SSH2: variants seen among roughly 807,000 people sequenced by gnomAD.
The protein encoded by SSH2 is protein phosphatase Slingshot homolog 2.
SSH2 carries 37 observed loss-of-function variants against 135.2 expected under a neutral mutation model. The ratio of observed to expected loss-of-function variants is 0.27; its 90% CI spans 0.21 to 0.36. The LOEUF is 0.36. Ranked by LOEUF, SSH2 falls within the 10% of genes least tolerant of loss-of-function variation. The pLI, the probability that SSH2 is intolerant of heterozygous loss-of-function variation, is 1.00. For synonymous variants in SSH2, 628 were observed against 646.2 expected (o/e 0.97, Z 0.43); for missense variants, 1,408 against 1,765.3 (o/e 0.80, Z 3.63).
intron 9 of SSH2, among the ~76,000 whole-genome samples, chr17:29,668,113 ACCT>A (rs1186001335): frequency 6.6e-6 from 1 of 152,116 alleles, no homozygotes; most frequent in East Asian, 1.9e-4. Context: ...CTGGCTCTGC[ACCT>A]CCTTATTTGG....
rs540909260 is a variant in SSH2, at chr17:29,632,164, G to C, written c.3030C>G (p.Val1010=). Reference sequence around the variant, plus strand: ...GAATCACAGTCCTCAGATCCTTCAGGACTCCTTCCTGCTGTGTTCCAGTAT... The same window carrying C: ...GAATCACAGTCCTCAGATCCTTCAGCACTCCTTCCTGCTGTGTTCCAGTAT... ...GSDTGTQQEG[V]LKDLRTVIPY... Residue 1010 remains valine (V), a synonymous_variant, in exon 16 of 16, where the codon GTC becomes GTG. Transcript: ENST00000540801. The C allele has an allele frequency of 6.2e-7, 1 of 1,613,890 alleles. No individual in the cohort carries two copies. The highest frequency in any genetic ancestry group is 1.1e-5 in the South Asian group (1 of 91,078).
chr17:29,630,980 T>G lies in SSH2; in HGVS notation c.4214A>C (p.Gln1405Pro). 6.2e-7 allele frequency: 1 copy of G among 1,613,814 alleles called. No homozygotes were observed. Among genetic ancestry groups the G allele is most frequent in the Non-Finnish European group, 8.5e-7 (1 of 1,179,708 alleles). The change falls in exon 16 of 16, where the codon CAG becomes CCG. Residue 1405 changes from glutamine (Q) to proline (P), a missense_variant. Gln to Pro is a moderately conservative substitution (Grantham distance 76). Coordinates refer to ENST00000540801, the MANE Select transcript of SSH2 (RefSeq NM_001282129.2). The part of the protein sequence containing the change: ...SEGGLPVLQT[Q>P]GLQCACPAPG... The stretch of plus-strand genomic sequence containing the variant: ...AGCTGGGCATGCACACTGCAGTCCC[T>G]GGGTCTGTAGCACGGGAAGGCCTCC...
chr17:29,845,720 C>T (rs1201908021), intron 2 of SSH2, among the ~76,000 whole-genome samples: 1 of 151,760 alleles, frequency 6.6e-6, no homozygotes, highest in Non-Finnish European at 1.5e-5. Flanking sequence ...CCACCATGCC[C>T]GGCTAATTGT....
chr17:29,781,756 G>GTAT (rs2041848039), intron 3 of SSH2, among the ~76,000 whole-genome samples: 1 of 151,642 alleles, frequency 6.6e-6, no homozygotes, highest in Admixed American at 6.6e-5. Flanking sequence ...GGGATTACAG[G>GTAT]TATAAGCCAC....
chr17:29,664,324 G>C lies in SSH2; in HGVS notation c.1032+2543C>G, dbSNP rs577271275. Among the ~76,000 whole-genome samples, 29 of 148,012 alleles carry C rather than the reference G, an allele frequency of 2.0e-4. 2 individuals carry two copies. The East Asian group carries it at 5.8e-3, about 29-fold the overall frequency. On this transcript the variant is annotated intron_variant, in intron 11 of 15. Transcript: ENST00000540801. ...GGAGGTGGAGGTTGCAGTGAGCTGA[G>C]ATCATGCCATTGCACTCCAGCCTGG...
chr17:29,823,904 C>A (rs1464219672), intron 2 of SSH2, among the ~76,000 whole-genome samples: 2 of 147,686 alleles, frequency 1.4e-5, no homozygotes, highest in Non-Finnish European at 3.0e-5. Flanking sequence ...AAAAAAATTC[C>A]ACACTGGGCC....
At chr17:29,747,480 AT>A (rs1316030155) in intron 3 of SSH2, among the ~76,000 whole-genome samples, 2 of 152,226 alleles carry the variant, frequency 1.3e-5, no homozygotes, top group Admixed American at 1.3e-4. Flanking sequence ...GTGAGCCCAG[AT>A]TTGCCCTTTG....
intron 14 of SSH2, among the ~76,000 whole-genome samples, chr17:29,638,420 A>C (rs953333354): frequency 1.3e-5 from 2 of 151,910 alleles, no homozygotes; most frequent in African/African-American, 4.8e-5. Context: ...TATAGGAAAA[A>C]ATCTGGAGGA....
chr17:29,735,912 C>T (rs1005979437), intron 3 of SSH2, among the ~76,000 whole-genome samples: 5 of 151,764 alleles, frequency 3.3e-5, no homozygotes, highest in East Asian at 1.9e-4. Flanking sequence ...GCTTGGACAA[C>T]GTGGAGAAAC....
intron 11 of SSH2, among the ~76,000 whole-genome samples, chr17:29,663,336 C>T (rs909621905): frequency 1.3e-5 from 2 of 152,222 alleles, no homozygotes; most frequent in African/African-American, 4.8e-5. Context: ...AAAATCAACA[C>T]CACCACTTGC....
intron 5 of SSH2, among the ~76,000 whole-genome samples, chr17:29,687,540 C>T (rs1025989726): frequency 6.6e-6 from 1 of 152,124 alleles, no homozygotes; most frequent in South Asian, 2.1e-4. Flanking sequence ...ATATTATACA[C>T]ACAGAAAAAT....
Position 29,712,531 on chromosome 17 carries a change from C to T in SSH2, c.189-9469G>A, listed in dbSNP as rs958944619. 2.6e-5 allele frequency among the ~76,000 whole-genome samples: 4 copies of T among 152,274 alleles called. No individual in the cohort carries two copies. The East Asian group carries it at 7.7e-4, about 29-fold the overall frequency. ...GTTAAAATTCATTTCTGGCTGAGCG[C>T]GGTGGCTCACGCCTGTAATCTCAGT... On this transcript the variant is annotated intron_variant, in intron 3 of 15. Transcript: ENST00000540801.
At chr17:29,732,550 G>A (rs1195626756) in intron 3 of SSH2, among the ~76,000 whole-genome samples, 1 of 152,116 alleles carries the variant, frequency 6.6e-6, no homozygotes. Flanking sequence ...CCTATAAGCA[G>A]AACAAAAAGT....
Position 29,635,988 on chromosome 17 carries a change from T to C in SSH2, c.2242A>G (p.Met748Val), listed in dbSNP as rs762593970. 1.9e-6 allele frequency: 3 copies of C among 1,612,682 alleles called. No individual in the cohort carries two copies. The highest frequency in any genetic ancestry group is 1.3e-5 in the African/African-American group (1 of 74,858). ...NTPHASEESSMDEEQSKAISE... is the reference protein window; with the variant it reads ...NTPHASEESSVDEEQSKAISE... ...TTTACCTTTGACTGTTCCTCATCCATTGAAGATTCTTCTGATGCATGGGGA... is the reference window on the plus strand; with the variant it reads ...TTTACCTTTGACTGTTCCTCATCCACTGAAGATTCTTCTGATGCATGGGGA... The change falls in exon 15 of 16, where the codon ATG becomes GTG. Residue 748 changes from methionine to valine, a missense_variant. Met to Val is a conservative substitution (Grantham distance 21, BLOSUM62 1). Transcript: ENST00000540801.
At chr17:29,839,315 G>A (rs1311170747) in intron 2 of SSH2, among the ~76,000 whole-genome samples, 1 of 152,194 alleles carries the variant, frequency 6.6e-6, no homozygotes, top group Non-Finnish European at 1.5e-5. Context: ...TGTGTAACCT[G>A]CCAGGCCGAG....
At chr17:29,781,000 A>G (rs2041828381) in intron 3 of SSH2, among the ~76,000 whole-genome samples, 1 of 151,016 alleles carries the variant, frequency 6.6e-6, no homozygotes, top group Admixed American at 6.6e-5. Context: ...TTTAGTAGAG[A>G]CGGGGTTTCA....
At chr17:29,700,309 T>C (rs2038923394) in intron 4 of SSH2, among the ~76,000 whole-genome samples, 1 of 152,124 alleles carries the variant, frequency 6.6e-6, no homozygotes, top group Non-Finnish European at 1.5e-5. Flanking sequence ...TGACTTTTAT[T>C]TTTTTTCCCC....
chr17:29,680,428 G>A (rs1017280953), intron 6 of SSH2, among the ~76,000 whole-genome samples: 1 of 151,498 alleles, frequency 6.6e-6, no homozygotes. Flanking sequence ...ACAGACACCT[G>A]TAATCCCAGC....
At chr17:29,662,512 A>G (rs2037092233) in intron 11 of SSH2, among the ~76,000 whole-genome samples, 1 of 152,204 alleles carries the variant, frequency 6.6e-6, no homozygotes, top group Non-Finnish European at 1.5e-5. Context: ...CACCTCCTGA[A>G]TTTATCACAT....
Sources: gnomAD v4.1 joint callset for allele counts (sites outside exome capture counted in the v4.1 genomes callset) on GRCh38, gnomAD v4.1.1 for gene constraint, MANE v1.5 for transcripts, NCBI Gene and HGNC (gene_info 2026-07-23, HGNC 2026-07-21) for gene names.